The following COL6A1 variants were observed in gnomAD, a reference collection of about 807,000 sequenced individuals.
COL6A1 encodes collagen type VI alpha 1 chain, also known as collagen alpha-1(VI) chain.
A neutral mutation model predicts 145.6 loss-of-function variants in COL6A1; 80 were observed. That is an observed-to-expected ratio of 0.55 (90% CI 0.46 to 0.66). COL6A1 has a LOEUF of 0.66. COL6A1 is among the 30% of genes least tolerant of loss of function. The probability of loss-of-function intolerance (pLI) is 0.00; values close to 1 mark genes in which losing one functional copy is unlikely to be tolerated. For missense variants in COL6A1, 1,364 were observed against 1,473.8 expected, an observed-to-expected ratio of 0.93 and a Z score of 1.22; for synonymous variants, 638 against 622.8, an observed-to-expected ratio of 1.02 and a Z score of -0.36.
At chr21:45,999,965 C>CCCGTGAGGGTCATGGGGGGATGT (rs563227704) in intron 27 of COL6A1, among the ~76,000 whole-genome samples, 3 of 1,410 alleles carry the variant, frequency 2.1e-3, no homozygotes, top group Admixed American at 9.4e-3. Flanking sequence ...CATGGGAGGA[C>CCCGTGAGGGTCATGGGGGGATGT]GTGAGGATCA....
chr21:45,986,926 C>T lies in COL6A1; in HGVS notation c.589-18C>T. ...GGGGTCCCAGCCCTGCTCAGCCCAC[C>T]CTGAACACTGCCCCCAGGAGCCGCG... is the stretch of plus-strand genomic sequence containing the variant. On this transcript the variant is annotated intron_variant, in intron 4 of 34. Coordinates refer to ENST00000361866, the MANE Select transcript of COL6A1 (RefSeq NM_001848.3). 6.5e-7 allele frequency: 1 copy of T among 1,543,756 alleles called. No individual in the cohort carries two copies. Among genetic ancestry groups the T allele is most frequent in the Non-Finnish European group, 8.7e-7 (1 of 1,149,270 alleles).
intron 28 of COL6A1, among the ~76,000 whole-genome samples, 165 bp downstream of exon 28, chr21:46,000,532 C>A (rs937949740): frequency 6.6e-6 from 1 of 152,174 alleles, no homozygotes. Context: ...CCCTCCCAGG[C>A]CCCCGGGTCC....
At position 46,004,263 on chromosome 21, in the gene COL6A1, G is replaced by T; in HGVS notation, c.*250G>T. 1.7e-6 allele frequency: 1 copy of T among 579,892 alleles called. No homozygotes were observed. The highest frequency in any genetic ancestry group is 3.1e-6 in the Non-Finnish European group (1 of 327,228). The allele number at this position is 579,892 out of a possible 1,614,324, so 35.9% of individuals were successfully genotyped here. ...GCCCTGAGCTAGTGTCACCTGCACA[G>T]GGCCCTCTGAGGCTCAGCCCTGAGC... On this transcript the variant is annotated 3_prime_UTR_variant, in exon 35 of 35. Transcript: ENST00000361866.
chr21:45,986,932 C>T lies in COL6A1; in HGVS notation c.589-12C>T. On this transcript the variant is annotated splice_polypyrimidine_tract_variant and intron_variant, in intron 4 of 34. Coordinates refer to ENST00000361866, the MANE Select transcript of COL6A1 (RefSeq NM_001848.3). The stretch of plus-strand genomic sequence containing the variant: ...CCAGCCCTGCTCAGCCCACCCTGAA[C>T]ACTGCCCCCAGGAGCCGCGTCTGAG... 1 of 1,545,252 alleles carries T rather than the reference C, an allele frequency of 6.5e-7. No individual in the cohort carries two copies. Among genetic ancestry groups the T allele is most frequent in the Non-Finnish European group, 8.7e-7 (1 of 1,149,668 alleles).
chr21:45,987,378 T>G, intron 6 of COL6A1, 121 bp from the exon 7 acceptor site: 2 of 1,511,990 alleles, frequency 1.3e-6, no homozygotes, highest in Non-Finnish European at 1.8e-6. Context: ...GGGACATGTG[T>G]CCGCCTGTGC....
chr21:45,984,553 C>A, intron 3 of COL6A1, 84 bp downstream of exon 3: 1 of 1,326,044 alleles, frequency 7.5e-7, no homozygotes, highest in Non-Finnish European at 1.1e-6. Flanking sequence ...GGTCCCTGTG[C>A]GGCTTCAGCT....
Position 45,994,803 on chromosome 21 carries a change from C to T in COL6A1, c.1398+574C>T, listed in dbSNP as rs1240959562. Among the ~76,000 whole-genome samples the T allele has an allele frequency of 6.6e-6, 1 of 152,226 alleles. No individual in the cohort carries two copies. Among genetic ancestry groups the T allele is most frequent in the Non-Finnish European group, 1.5e-5 (1 of 68,036 alleles). On this transcript the variant is annotated intron_variant, in intron 20 of 34. Transcript: ENST00000361866. The surrounding 1 kb of genome is among the most constrained non-coding windows in gnomAD (Gnocchi z 6.8). ...TGATGGTGGCTCCAGTGTGGTGTTG[C>T]CCGCAGGCTGGGCTGGGCCGTTGCA...
In COL6A1 at chr21:45,981,884, C is replaced by T. The variant is rs1273801694; in HGVS notation, c.34C>T (p.Leu12=). Residue 12 remains leucine, a synonymous_variant, in exon 1 of 35, where the codon CTG becomes TTG. Transcript: ENST00000361866. ...RAARALLPLL[L]QACWTAAQDE... is the part of the protein sequence containing the mutation. ...GGCCCGTGCTCTGCTGCCCCTGCTG[C>T]TGCAGGCCTGCTGGACAGCCGCGCA... The T allele has an allele frequency of 6.2e-7, 1 of 1,602,528 alleles. No homozygotes were observed. Among genetic ancestry groups the T allele is most frequent in the Non-Finnish European group, 8.5e-7 (1 of 1,176,428 alleles).
At chr21:45,982,281 G>GCCCCCCCCCCCC (rs145818249) in intron 1 of COL6A1, among the ~76,000 whole-genome samples, 1 of 139,792 alleles carries the variant, frequency 7.2e-6, no homozygotes, top group Non-Finnish European at 1.6e-5. Flanking sequence ...CAGACGCACG[G>GCCCCCCCCCCCC]CCCCCCCGAC....
In COL6A1 at chr21:46,002,661, G is replaced by A. The variant is rs774423958; in HGVS notation, c.2385G>A (p.Glu795=). 9.9e-6 allele frequency: 16 copies of A among 1,613,910 alleles called. No individual in the cohort carries two copies. The highest frequency in any genetic ancestry group is 1.4e-5 in the Non-Finnish European group (16 of 1,179,976). Residue 795 remains glutamate (E), a synonymous_variant, in exon 33 of 35, where the codon GAG becomes GAA. Transcript: ENST00000361866. The part of the protein sequence containing the change: ...GLSLVKENYA[E]LLEDAFLKNV... ...CGCTGGTCAAGGAGAACTATGCAGAGCTGCTGGAGGATGCCTTCCTGAAGA... is the reference window on the plus strand; with the variant it reads ...CGCTGGTCAAGGAGAACTATGCAGAACTGCTGGAGGATGCCTTCCTGAAGA...
rs886042599 is a variant in COL6A1, at chr21:45,982,628, G to A, written c.98-6G>A. Reference sequence around the variant, plus strand: ...TTGAAGGCCCCTCTCCTCCATCTTCGGCCAGACTGCCCCGTGGACCTGTTC... The same window carrying A: ...TTGAAGGCCCCTCTCCTCCATCTTCAGCCAGACTGCCCCGTGGACCTGTTC... On this transcript the variant is annotated splice_polypyrimidine_tract_variant and splice_region_variant and intron_variant, in intron 1 of 34. Transcript: ENST00000361866. The A allele has an allele frequency of 1.9e-6, 3 of 1,612,768 alleles. No individual in the cohort carries two copies. The highest frequency in any genetic ancestry group is 1.1e-5 in the South Asian group (1 of 91,076).
At chr21:45,990,463 GGAA>G (rs775061189) in intron 13 of COL6A1, 41 bp downstream of exon 13, 1 of 1,109,688 alleles carries the variant, frequency 9.0e-7, no homozygotes. Context: ...GGGACGAGGA[GGAA>G]TGGGGCGAGA....
Position 45,990,417 on chromosome 21 carries a change from G to A in COL6A1, c.997G>A (p.Val333Met), listed in dbSNP as rs201525908. The stretch of plus-strand genomic sequence containing the variant: ...GCGTGGCATCGACGGGGTGGACGGC[G>A]TGAAGGTGACTGGGGGGAGATAGGA... ...GKRGIDGVDGVKGEMGYPGLP... is the reference protein window; with the variant it reads ...GKRGIDGVDGMKGEMGYPGLP... Residue 333 changes from valine to methionine, a missense_variant, in exon 13 of 35, where the codon GTG becomes ATG. By Grantham distance (21) the Val-to-Met change is conservative. Around this residue, in one of 3 missense-constraint regions of COL6A1, gnomAD observed 12 missense variants for 32.3 expected, o/e 0.37. Transcript: ENST00000361866. 3.8e-4 allele frequency: 460 copies of A among 1,225,138 alleles called. 4 individuals carry two copies. The South Asian group carries it at 4.3e-3, about 12-fold the overall frequency. The allele number at this position is 1,225,138 out of a possible 1,614,324, so 75.9% of individuals were successfully genotyped here.
intron 27 of COL6A1, among the ~76,000 whole-genome samples, chr21:45,999,936 G>A (rs1569518886): frequency 2.5e-4 from 1 of 4,008 alleles, no homozygotes; most frequent in Non-Finnish European, 5.6e-4. Flanking sequence ...TGAGGATCAT[G>A]GGGGGGACGT....
chr21:45,998,381 C>T lies in COL6A1; in HGVS notation c.1576-17C>T. The T allele has an allele frequency of 1.9e-6, 3 of 1,613,272 alleles. No homozygotes were observed. The highest frequency in any genetic ancestry group is 2.5e-6 in the Non-Finnish European group (3 of 1,180,014). ...CAAATCAGAACCCGGTATCACTGCC[C>T]TGCTTTTCCATGACAGGGGTATCCG... On this transcript the variant is annotated splice_polypyrimidine_tract_variant and intron_variant, in intron 23 of 34. Transcript: ENST00000361866.
chr21:45,982,233 C>T (rs2077711775), intron 1 of COL6A1, among the ~76,000 whole-genome samples: 1 of 152,206 alleles, frequency 6.6e-6, no homozygotes, highest in Non-Finnish European at 1.5e-5. Context: ...GTCTCGGCGC[C>T]CCGTGAATCC....
chr21:45,994,180 C>T lies in COL6A1; in HGVS notation c.1349C>T (p.Pro450Leu), dbSNP rs759834554. ...GPRGDPGEAG[P>L]QGDQGREGPV... ...GTTTCTCTTCAGGGTGAAGCTGGCCCGCAGGGTGATCAGGGAAGAGAAGGC... is the reference window on the plus strand; with the variant it reads ...GTTTCTCTTCAGGGTGAAGCTGGCCTGCAGGGTGATCAGGGAAGAGAAGGC... The change falls in exon 20 of 35, where the codon CCG becomes CTG. Residue 450 changes from proline (P) to leucine (L), a missense_variant. Coordinates refer to ENST00000361866, the MANE Select transcript of COL6A1 (RefSeq NM_001848.3). The surrounding 1 kb of genome is among the most constrained non-coding windows in gnomAD (Gnocchi z 6.8). 8.1e-6 allele frequency: 13 copies of T among 1,604,380 alleles called. No homozygotes were observed. In the African/African-American group the frequency reaches 9.4e-5, roughly 12 times the overall value.
At chr21:45,992,128 G>C (rs769518849) in intron 16 of COL6A1, 36 bp from the exon 17 acceptor site, 31 of 1,613,530 alleles carry the variant, frequency 1.9e-5, no homozygotes, top group Admixed American at 1.8e-4. Flanking sequence ...GAGGGTCAAG[G>C]AGATGGAGCG....
intron 3 of COL6A1, 148 bp downstream of exon 3, chr21:45,984,617 G>A: frequency 1.4e-6 from 1 of 715,470 alleles, no homozygotes; most frequent in South Asian, 1.6e-5. Context: ...CACTTTGTGG[G>A]CAGGAAAGAG....
Sources: gnomAD v4.1 joint callset for allele counts (sites outside exome capture counted in the v4.1 genomes callset) on GRCh38, gnomAD v4.1.1 for gene constraint, gnomAD v4.1.1 regional missense constraint, Gnocchi (gnomAD v3.1) non-coding constraint, MANE v1.5 for transcripts, NCBI Gene and HGNC (gene_info 2026-07-23, HGNC 2026-07-21) for gene names.